Variants in TAFA4 observed in about 807,000 individuals in gnomAD.
TAFA4 encodes chemokine-like protein TAFA-4.
In TAFA4, 20 loss-of-function variants were observed where a neutral mutation model predicts 21.1. The ratio of observed to expected loss-of-function variants is 0.95; its 90% CI spans 0.67 to 1.38. The LOEUF is 1.38. TAFA4 is among the 40% of genes most tolerant of loss of function. TAFA4 has a pLI of 0.00. For synonymous variants in TAFA4, 71 were observed against 67.4 expected (o/e 1.05, Z -0.26); for missense variants, 211 against 180.9 (o/e 1.17, Z -0.95).
intron 3 of TAFA4, among the ~76,000 whole-genome samples, chr3:68,753,339 T>TTG (rs1553715540): frequency 6.8e-6 from 1 of 147,638 alleles, no homozygotes; most frequent in Non-Finnish European, 1.5e-5. Context: ...ATAGAGTTTT[T>TTG]TTTTTTTTTT....
At chr3:68,857,548 T>A (rs994358687) in intron 3 of TAFA4, among the ~76,000 whole-genome samples, 3 of 152,136 alleles carry the variant, frequency 2.0e-5, no homozygotes, top group Non-Finnish European at 4.4e-5. Context: ...TTTAAAACCA[T>A]GAATACTTTA....
rs563252656 is a variant in TAFA4 at position 68,764,459 on chromosome 3, C to T, written c.131-11441G>A. 1.1e-3 allele frequency among the ~76,000 whole-genome samples: 168 copies of T among 152,204 alleles called. 1 individual carries two copies. Among genetic ancestry groups the T allele is most frequent in the Non-Finnish European group, 1.9e-3 (127 of 68,018 alleles). ...GCCCCCACTGACTAATACACTGTCA[C>T]TTAGTAATTATAACTTCATAGGCTG... On this transcript the variant is annotated intron_variant, in intron 3 of 5. Coordinates refer to ENST00000295569, the MANE Select transcript of TAFA4 (RefSeq NM_182522.5).
chr3:68,813,485 C>CA (rs1703887510), intron 3 of TAFA4, among the ~76,000 whole-genome samples: 1 of 152,030 alleles, frequency 6.6e-6, no homozygotes, highest in Non-Finnish European at 1.5e-5. Flanking sequence ...TAACAGGATA[C>CA]CACCACCGAT....
At chr3:68,851,095 A>G (rs536787868) in intron 3 of TAFA4, among the ~76,000 whole-genome samples, 7 of 152,300 alleles carry the variant, frequency 4.6e-5, no homozygotes, top group African/African-American at 1.7e-4. Context: ...ATCAACCCCA[A>G]TGTCCACCAA....
chr3:68,751,257 G>C (rs1702553133), intron 4 of TAFA4, among the ~76,000 whole-genome samples: 1 of 152,220 alleles, frequency 6.6e-6, no homozygotes, highest in Non-Finnish European at 1.5e-5. Context: ...ATCTTAAAGA[G>C]AGTGGGAAGC....
intron 1 of TAFA4, among the ~76,000 whole-genome samples, chr3:68,885,768 T>G: frequency 6.6e-6 from 1 of 152,196 alleles, no homozygotes; most frequent in Non-Finnish European, 1.5e-5. Context: ...CTGAAGATGA[T>G]GCTAGACAAT....
intron 3 of TAFA4, among the ~76,000 whole-genome samples, chr3:68,869,053 C>T (rs764416084): frequency 6.6e-6 from 1 of 151,714 alleles, no homozygotes; most frequent in Non-Finnish European, 1.5e-5. Flanking sequence ...ACAACTGATA[C>T]CACAGAAATT....
intron 1 of TAFA4, among the ~76,000 whole-genome samples, chr3:68,891,561 T>C (rs1396506809): frequency 1.1e-4 from 16 of 152,204 alleles, no homozygotes; most frequent in Admixed American, 1.0e-3. Context: ...AATAATTTTT[T>C]CAGCTAATGA....
intron 1 of TAFA4, among the ~76,000 whole-genome samples, chr3:68,885,681 T>C (rs1444810075): frequency 1.3e-5 from 2 of 152,164 alleles, no homozygotes; most frequent in Non-Finnish European, 2.9e-5. Flanking sequence ...TCCCAAGACA[T>C]GCAATTTGCC....
intron 3 of TAFA4, among the ~76,000 whole-genome samples, chr3:68,779,975 G>C (rs1356998753): frequency 1.3e-5 from 2 of 152,240 alleles, no homozygotes; most frequent in African/African-American, 4.8e-5. Context: ...AAGCCACAGA[G>C]GAGGAGCTGC....
chr3:68,897,657 T>C (rs1414246160), intron 1 of TAFA4, among the ~76,000 whole-genome samples: 3 of 152,084 alleles, frequency 2.0e-5, no homozygotes, highest in African/African-American at 7.2e-5. Flanking sequence ...TTTCCCTTTA[T>C]CTCTCATTTC....
chr3:68,923,263 G>A (rs149669051), intron 1 of TAFA4, among the ~76,000 whole-genome samples: 7 of 152,020 alleles, frequency 4.6e-5, no homozygotes, highest in Admixed American at 1.3e-4. Flanking sequence ...ATAAACATGG[G>A]GTGCTTAAAA....
intron 5 of TAFA4, 32 bp downstream of exon 5, chr3:68,739,043 G>A: frequency 3.1e-6 from 5 of 1,610,516 alleles, no homozygotes; most frequent in Middle Eastern, 1.7e-4. Flanking sequence ...TTGATAACTT[G>A]TAAATTGTAG....
At chr3:68,755,874 G>A (rs148884916) in intron 3 of TAFA4, among the ~76,000 whole-genome samples, 109 of 152,310 alleles carry the variant, frequency 7.2e-4, no homozygotes, top group African/African-American at 2.5e-3. Context: ...CCATGTACAT[G>A]ATTAGGTGAT....
At chr3:68,881,219 G>A (rs1430823424) in intron 2 of TAFA4, among the ~76,000 whole-genome samples, 1 of 152,142 alleles carries the variant, frequency 6.6e-6, no homozygotes, top group Non-Finnish European at 1.5e-5. Context: ...TTCTGGATCT[G>A]AAAGAATCCA....
intron 3 of TAFA4, among the ~76,000 whole-genome samples, chr3:68,782,492 G>A (rs1054697041): frequency 3.3e-5 from 5 of 151,954 alleles, no homozygotes; most frequent in Admixed American, 6.5e-5. Flanking sequence ...CAACCCAAAC[G>A]TCTATCAATG....
chr3:68,865,260 AT>A (rs1013107990), intron 3 of TAFA4, among the ~76,000 whole-genome samples: 6 of 150,168 alleles, frequency 4.0e-5, no homozygotes, highest in Non-Finnish European at 5.9e-5. Flanking sequence ...CCCACAATTT[AT>A]TTTTTTTTTA....
At chr3:68,734,563 TAA>T (rs1374227519) in intron 5 of TAFA4, among the ~76,000 whole-genome samples, 1 of 152,054 alleles carries the variant, frequency 6.6e-6, no homozygotes, top group African/African-American at 2.4e-5. Flanking sequence ...ACTGTCAACT[TAA>T]AGAGTTGTGA....
chr3:68,926,142 T>C (rs9850972), intron 1 of TAFA4, among the ~76,000 whole-genome samples: 4,224 of 151,742 alleles, frequency 0.028, 203 homozygotes, highest in African/African-American at 0.096. Context: ...TGAGGCAGAA[T>C]TGCTTGAACC....
Sources: allele counts gnomAD v4.1 joint callset (sites outside exome capture counted in the v4.1 genomes callset), GRCh38; gene constraint gnomAD v4.1.1; transcripts MANE v1.5; gene names NCBI Gene and HGNC (gene_info 2026-07-23, HGNC 2026-07-21).